Variants in TOP2A observed in about 807,000 individuals in gnomAD.
TOP2A encodes the protein DNA topoisomerase II alpha.
A neutral mutation model predicts 187.2 loss-of-function variants in TOP2A; 68 were observed. The ratio of observed to expected loss-of-function variants is 0.36; its 90% CI spans 0.30 to 0.44. The LOEUF (loss-of-function observed/expected upper bound fraction) is 0.44. Among genes scored for constraint, TOP2A ranks in the 20% least tolerant of loss-of-function variants. The pLI is 1.00. For missense variants in TOP2A, 1,196 were observed against 1,808.7 expected (o/e 0.66, Z 6.14); for synonymous variants, 542 against 593.2 (o/e 0.91, Z 1.25).
intron 27 of TOP2A, among the ~76,000 whole-genome samples, chr17:40,398,045 TGGGATTGTA>T (rs1307760883): frequency 6.6e-6 from 1 of 151,796 alleles, no homozygotes; most frequent in Non-Finnish European, 1.5e-5. Flanking sequence ...CCCAAAGTGC[TGGGATTGTA>T]GGTGTGAGCC....
intron 29 of TOP2A, among the ~76,000 whole-genome samples, chr17:40,393,312 G>T (rs1171673524): frequency 1.3e-5 from 2 of 151,858 alleles, no homozygotes; most frequent in East Asian, 3.9e-4. Context: ...GGGAGACAGA[G>T]TGAAATCTTG....
intron 23 of TOP2A, 32 bp downstream of exon 23, chr17:40,400,177 A>G (rs773888601): frequency 4.2e-5 from 68 of 1,603,178 alleles, no homozygotes; most frequent in Non-Finnish European, 5.5e-5. Context: ...ATATAAATTG[A>G]AACGTGTACA....
Position 40,400,621 on chromosome 17 carries a change from C to A in TOP2A, c.2707G>T (p.Ala903Ser), listed in dbSNP as rs374861292. The change falls in exon 22 of 35, where the codon GCT (alanine) becomes TCT (serine). Residue 903 changes from alanine (A) to serine (S), a missense_variant. This residue lies in a region of TOP2A where 232 missense variants were observed against 306.1 expected (regional missense o/e 0.76). Transcript: ENST00000423485. ...CCACTAATCACATATTGATTTGGAG[C>A]CAGTTCTTCAATAGTACCCTTGAAG... ...KNFKGTIEELAPNQYVISGEV... is the reference protein window; with the variant it reads ...KNFKGTIEELSPNQYVISGEV... 1.8e-5 allele frequency: 29 copies of A among 1,608,522 alleles called. No homozygotes were observed. Among genetic ancestry groups the A allele is most frequent in the Admixed American group, 8.5e-5 (5 of 58,888 alleles).
Position 40,404,277 on chromosome 17 carries a change from T to C in TOP2A, c.2162-4A>G, listed in dbSNP as rs2035213298. Reference sequence around the variant, plus strand: ...TTTCTCTGACCTGGTTTCAAACCTTTAAAATGAAATAAGAGCAAACGTAAG... The same window carrying C: ...TTTCTCTGACCTGGTTTCAAACCTTCAAAATGAAATAAGAGCAAACGTAAG... On this transcript the variant is annotated splice_region_variant and splice_polypyrimidine_tract_variant and intron_variant, in intron 18 of 34. Transcript: ENST00000423485. 6.2e-7 allele frequency: 1 copy of C among 1,611,960 alleles called. No homozygotes were observed. The highest frequency in any genetic ancestry group is 8.5e-7 in the Non-Finnish European group (1 of 1,179,360).
At chr17:40,406,711 G>C (rs1315433484) in intron 14 of TOP2A, 22 bp from the exon 15 acceptor site, 3 of 1,601,242 alleles carry the variant, frequency 1.9e-6, no homozygotes, top group Admixed American at 1.7e-5. Flanking sequence ...AACAATGACT[G>C]TGGCTTTGTA....
At chr17:40,394,424 C>G (rs2035064574) in intron 29 of TOP2A, among the ~76,000 whole-genome samples, 1 of 152,200 alleles carries the variant, frequency 6.6e-6, no homozygotes, top group South Asian at 2.1e-4. Flanking sequence ...CCTCTGCCTC[C>G]TGGGTTCAAG....
intron 29 of TOP2A, among the ~76,000 whole-genome samples, chr17:40,394,325 G>C (rs1403788580): frequency 1.3e-5 from 2 of 152,060 alleles, no homozygotes; most frequent in African/African-American, 4.8e-5. Context: ...TAAAACCACT[G>C]AATGGCATAC....
intron 24 of TOP2A, 137 bp downstream of exon 24, chr17:40,399,735 A>C (rs924279159): frequency 1.6e-6 from 1 of 644,804 alleles, no homozygotes; most frequent in Non-Finnish European, 2.6e-6. Context: ...AGATATTTTA[A>C]AGAAATGCGT....
intron 12 of TOP2A, 134 bp downstream of exon 12, chr17:40,407,833 T>G (rs73983046): frequency 8.4e-7 from 1 of 1,190,924 alleles, no homozygotes. Flanking sequence ...TAGGCTACAA[T>G]GTACCTAATT....
chr17:40,391,766 A>G, intron 32 of TOP2A, 126 bp from the exon 33 acceptor site: 1 of 1,078,470 alleles, frequency 9.3e-7, no homozygotes, highest in South Asian at 1.9e-5. Flanking sequence ...AATATTTAAA[A>G]CATACTCTTA....
intron 33 of TOP2A, among the ~76,000 whole-genome samples, chr17:40,390,866 C>A (rs1403785302): frequency 2.0e-5 from 3 of 152,120 alleles, no homozygotes; most frequent in Admixed American, 2.0e-4. Context: ...CTCAGGTGAT[C>A]CACCCACCTT....
chr17:40,389,457 G>A lies in TOP2A; in HGVS notation c.*62C>T. The A allele has an allele frequency of 2.0e-6, 3 of 1,526,062 alleles. No individual in the cohort carries two copies. Among genetic ancestry groups the A allele is most frequent in the Non-Finnish European group, 2.6e-6 (3 of 1,132,582 alleles). 94.5% of individuals were successfully genotyped at this position (1,526,062 alleles called of 1,614,324 possible). ...AGAGGGGAGGAAGTTAAGAGCTTCAGGTAACTTTAAAACCAGTCTTGGGCT... is the reference window on the plus strand; with the variant it reads ...AGAGGGGAGGAAGTTAAGAGCTTCAAGTAACTTTAAAACCAGTCTTGGGCT... On this transcript the variant is annotated 3_prime_UTR_variant, in exon 35 of 35. Coordinates refer to ENST00000423485, the MANE Select transcript of TOP2A (RefSeq NM_001067.4).
At chr17:40,398,374 G>T (rs549211218) in intron 27 of TOP2A, among the ~76,000 whole-genome samples, 184 bp downstream of exon 27, 4 of 152,076 alleles carry the variant, frequency 2.6e-5, no homozygotes, top group Non-Finnish European at 4.4e-5. Context: ...AAAATGCTGG[G>T]ATTACCAGCG....
At chr17:40,412,145 G>A (rs758802531) in intron 7 of TOP2A, among the ~76,000 whole-genome samples, 9 of 152,158 alleles carry the variant, frequency 5.9e-5, no homozygotes, top group Admixed American at 1.3e-4. Context: ...GTAGTGAGCC[G>A]TGATTGCATC....
Position 40,392,296 on chromosome 17 carries a change from G to A in TOP2A, c.4010C>T (p.Ser1337Leu), listed in dbSNP as rs778291076. The stretch of plus-strand genomic sequence containing the variant: ...ATCATCAGTTTTTTCATCAAAATCT[G>A]AGAAATCTTCATCTGAATCCAAATC... ...TMDLDSDEDF[S>L]DFDEKTDDED... The change falls in exon 31 of 35, where the codon TCA becomes TTA. Residue 1337 changes from serine to leucine, a missense_variant. Coordinates refer to ENST00000423485, the MANE Select transcript of TOP2A (RefSeq NM_001067.4). 47 of 1,606,194 alleles carry A rather than the reference G, an allele frequency of 2.9e-5. No individual in the cohort carries two copies. The highest frequency in any genetic ancestry group is 3.6e-5 in the Non-Finnish European group (42 of 1,175,798).
chr17:40,415,145 C>A (rs555342157), intron 4 of TOP2A, among the ~76,000 whole-genome samples: 80 of 151,408 alleles, frequency 5.3e-4, no homozygotes, highest in Non-Finnish European at 3.8e-4. Flanking sequence ...AGCTCCACCT[C>A]CCGGGTTCAT....
At chr17:40,392,377 G>A (rs1332385486) in intron 30 of TOP2A, 36 bp from the exon 31 acceptor site, 1 of 1,560,334 alleles carries the variant, frequency 6.4e-7, no homozygotes, top group South Asian at 1.2e-5. Context: ...AATCAAAGAG[G>A]GTAGTAGGAG....
intron 4 of TOP2A, among the ~76,000 whole-genome samples, chr17:40,414,159 A>G (rs905230801): frequency 6.6e-6 from 1 of 152,206 alleles, no homozygotes; most frequent in African/African-American, 2.4e-5. Flanking sequence ...TTTATGCCCA[A>G]TGGAAAGAAA....
intron 4 of TOP2A, among the ~76,000 whole-genome samples, chr17:40,415,378 A>G (rs941882214): frequency 6.6e-6 from 1 of 152,082 alleles, no homozygotes; most frequent in African/African-American, 2.4e-5. Flanking sequence ...TTTAAAGACT[A>G]TGATATTGAG....
Sources: allele counts gnomAD v4.1 joint callset (sites outside exome capture counted in the v4.1 genomes callset), GRCh38; gene constraint gnomAD v4.1.1; regional missense constraint gnomAD v4.1.1; transcripts MANE v1.5; gene names NCBI Gene and HGNC (gene_info 2026-07-23, HGNC 2026-07-21).